The following GABPB1 variants were observed in gnomAD, a reference collection of about 807,000 sequenced individuals.
GABPB1 encodes GA binding protein transcription factor subunit beta 1.
A neutral mutation model predicts 45.9 loss-of-function variants in GABPB1; 15 were observed. The ratio of observed to expected loss-of-function variants is 0.33; its 90% CI spans 0.22 to 0.50. The LOEUF is 0.50. Among genes scored for constraint, GABPB1 ranks in the 20% least tolerant of loss-of-function variants. The pLI is 0.98. For missense variants in GABPB1, 252 were observed against 457.5 expected, an observed-to-expected ratio of 0.55 and a Z score of 4.10; for synonymous variants, 143 against 154.4, an observed-to-expected ratio of 0.93 and a Z score of 0.55.
At chr15:50,292,109 C>T (rs111598709) in intron 6 of GABPB1, among the ~76,000 whole-genome samples, 139 of 150,780 alleles carry the variant, frequency 9.2e-4, no homozygotes, top group African/African-American at 3.1e-3. Context: ...CCAAGGCGGG[C>T]GGGTCAGGAG....
rs1389748260 is a variant in GABPB1 at position 50,302,805 on chromosome 15, C to G, written c.471+124G>C. On this transcript the variant is annotated intron_variant, in intron 4 of 8. Transcript: ENST00000380877. ...GAAGTGAAAGAGAAAAAGGCCTATC[C>G]AAAATAACTAAGTCCAAAATGAAAG... is the stretch of plus-strand genomic sequence containing the variant. The G allele has an allele frequency of 7.6e-6, 5 of 657,032 alleles. No homozygotes were observed. The Admixed American group carries it at 1.7e-4, about 22-fold the overall frequency. 40.7% of individuals were successfully genotyped at this position (657,032 alleles called of 1,614,324 possible). A position where few individuals can be genotyped will look rare whatever the true frequency, so the allele number is the denominator to read the frequency against.
intron 7 of GABPB1, among the ~76,000 whole-genome samples, chr15:50,287,176 T>C (rs573632512): frequency 9.2e-5 from 14 of 152,310 alleles, no homozygotes; most frequent in African/African-American, 3.1e-4. Context: ...ATAATTCACA[T>C]GTAAACTATA....
chr15:50,282,806 G>T (rs1862834020), intron 8 of GABPB1, among the ~76,000 whole-genome samples: 1 of 152,124 alleles, frequency 6.6e-6, no homozygotes, highest in Non-Finnish European at 1.5e-5. Context: ...TATAATCCCA[G>T]CACTCTGGGG....
chr15:50,321,380 C>T (rs1277850157), intron 1 of GABPB1, among the ~76,000 whole-genome samples: 1 of 152,186 alleles, frequency 6.6e-6, no homozygotes, highest in African/African-American at 2.4e-5. Flanking sequence ...GTCAAGACCA[C>T]TTCCAGTGAA....
At chr15:50,298,903 A>G (rs1167244495) in intron 6 of GABPB1, among the ~76,000 whole-genome samples, 1 of 151,486 alleles carries the variant, frequency 6.6e-6, no homozygotes, top group Non-Finnish European at 1.5e-5. Flanking sequence ...AGTGAGCCAA[A>G]ACTGTACCAC....
intron 1 of GABPB1, chr15:50,352,954 T>C (rs2048903779): frequency 1.3e-5 from 2 of 151,436 alleles, no homozygotes; most frequent in Admixed American, 1.3e-4. Flanking sequence ...CAAAGAACTC[T>C]AAGGATATGT....
In GABPB1 at chr15:50,301,220, C is replaced by A. The variant is rs80042819; in HGVS notation, c.583+37G>T. On this transcript the variant is annotated intron_variant, in intron 5 of 8. Coordinates refer to ENST00000380877, the MANE Select transcript of GABPB1 (RefSeq NM_016654.5). Reference sequence around the variant, plus strand: ...AGCCTATCCTATATGCATCTCAATACCTGTTGCCTTGGATGAATTTTCTGA... The same window carrying A: ...AGCCTATCCTATATGCATCTCAATAACTGTTGCCTTGGATGAATTTTCTGA... 5,501 of 1,612,706 alleles carry A rather than the reference C, an allele frequency of 3.4e-3. 19 individuals carry two copies. The highest frequency in any genetic ancestry group is 0.012 in the Middle Eastern group (70 of 6,048).
chr15:50,354,695 A>C (rs1280127367), intron 1 of GABPB1: 1 of 373,700 alleles, frequency 2.7e-6, no homozygotes, highest in Non-Finnish European at 5.2e-6. Flanking sequence ...CGGCCGCGGC[A>C]TGCTAGGGCC....
rs2045846748 is a variant in GABPB1, at chr15:50,276,987, A to G, written c.*1645T>C. 6.6e-6 allele frequency: 1 copy of G among 152,230 alleles called. No homozygotes were observed. Among genetic ancestry groups the G allele is most frequent in the African/African-American group, 2.4e-5 (1 of 41,466 alleles). The allele number at this position is 152,230 out of a possible 1,614,324, so 9.4% of individuals were successfully genotyped here. ...GAAAAAGATCTTTTTCCTCTTCCTTACAGAGTTCTTCAATTTGCCCTAAAC... is the reference window on the plus strand; with the variant it reads ...GAAAAAGATCTTTTTCCTCTTCCTTGCAGAGTTCTTCAATTTGCCCTAAAC... On this transcript the variant is annotated 3_prime_UTR_variant, in exon 9 of 9. Coordinates refer to ENST00000380877, the MANE Select transcript of GABPB1 (RefSeq NM_016654.5).
intron 1 of GABPB1, chr15:50,349,136 T>G (rs1230524782): frequency 1.3e-5 from 2 of 152,200 alleles, no homozygotes; most frequent in East Asian, 3.8e-4. Context: ...CAAACTGATA[T>G]GAAGCTATTT....
rs540858076 is a variant in GABPB1, at chr15:50,319,633, C to T, written c.1-9835G>A. On this transcript the variant is annotated intron_variant, in intron 1 of 8. Coordinates refer to ENST00000380877, the MANE Select transcript of GABPB1 (RefSeq NM_016654.5). ...CGGGCAAATCACGAGGTCAGGAGTT[C>T]GAGACCAGCCTGGCCAACATGATGA... Among the ~76,000 whole-genome samples the T allele has an allele frequency of 3.3e-5, 5 of 152,150 alleles. No individual in the cohort carries two copies. In the East Asian group the frequency reaches 7.7e-4, roughly 24 times the overall value.
chr15:50,325,283 T>C (rs1262002848), intron 1 of GABPB1, among the ~76,000 whole-genome samples: 1 of 135,084 alleles, frequency 7.4e-6, no homozygotes, highest in Non-Finnish European at 1.6e-5. Context: ...TTGAGGGCAC[T>C]AAGGCAATAT....
intron 8 of GABPB1, among the ~76,000 whole-genome samples, chr15:50,280,229 C>A (rs1001266862): frequency 2.0e-5 from 3 of 152,190 alleles, no homozygotes; most frequent in Non-Finnish European, 2.9e-5. Context: ...CCTCCCAACA[C>A]TTCTTCTCCC....
intron 8 of GABPB1, among the ~76,000 whole-genome samples, chr15:50,280,703 G>A (rs150346189): frequency 6.7e-4 from 101 of 151,722 alleles, no homozygotes; most frequent in African/African-American, 2.3e-3. Flanking sequence ...CAACTCCACC[G>A]CACTCCAGCC....
chr15:50,347,048 A>G (rs529240016), intron 1 of GABPB1, among the ~76,000 whole-genome samples: 179 of 152,014 alleles, frequency 1.2e-3, no homozygotes, highest in African/African-American at 4.2e-3. Flanking sequence ...TCAGCCTCCC[A>G]AAGTGCTGGG....
rs1197093292 is a variant in GABPB1 at position 50,355,154 on chromosome 15, A to T, written c.-170T>A. The T allele has an allele frequency of 6.5e-6, 1 of 153,010 alleles. No individual in the cohort carries two copies. Among genetic ancestry groups the T allele is most frequent in the Non-Finnish European group, 1.5e-5 (1 of 68,282 alleles). 9.5% of individuals were successfully genotyped at this position (153,010 alleles called of 1,614,324 possible). ...CGTCTGGTCGGCGCCCAAAATCCCC[A>T]CCGAAAAGTCCCCCGTGCTGCGCGC... On this transcript the variant is annotated 5_prime_UTR_variant, in exon 1 of 9. Transcript: ENST00000380877.
At chr15:50,285,083 T>C (rs2046107980) in intron 8 of GABPB1, among the ~76,000 whole-genome samples, 1 of 152,192 alleles carries the variant, frequency 6.6e-6, no homozygotes, top group South Asian at 2.1e-4. Context: ...GTTTGACTTA[T>C]GTTGTCTTTT....
intron 6 of GABPB1, among the ~76,000 whole-genome samples, chr15:50,292,158 C>T (rs1469568147): frequency 1.3e-5 from 2 of 149,898 alleles, no homozygotes; most frequent in African/African-American, 4.9e-5. Flanking sequence ...ACTGAAAATA[C>T]AAAAAATTAG....
At chr15:50,294,260 A>C (rs2046440394) in intron 6 of GABPB1, among the ~76,000 whole-genome samples, 1 of 152,234 alleles carries the variant, frequency 6.6e-6, no homozygotes, top group Non-Finnish European at 1.5e-5. Context: ...TCATGCCTGT[A>C]ATCTCAGCAC....
Sources: gnomAD v4.1 joint callset for allele counts (sites outside exome capture counted in the v4.1 genomes callset) on GRCh38, gnomAD v4.1.1 for gene constraint, MANE v1.5 for transcripts, NCBI Gene and HGNC (gene_info 2026-07-23, HGNC 2026-07-21) for gene names.